The following HECTD4 variants were observed in gnomAD, a reference collection of about 807,000 sequenced individuals.
HECTD4 encodes HECT domain E3 ubiquitin protein ligase 4.
In HECTD4, 114 loss-of-function variants were observed where a neutral mutation model predicts 471.5. The ratio of observed to expected loss-of-function variants is 0.24; its 90% CI spans 0.21 to 0.28. The LOEUF is 0.28. HECTD4 is among the 10% of genes least tolerant of loss of function. HECTD4 has a pLI of 1.00. For missense variants in HECTD4, 3,866 were observed against 5,651.5 expected (o/e 0.68, Z 10.13); for synonymous variants, 2,012 against 2,256.0 (o/e 0.89, Z 3.07).
At chr12:112,332,141 T>G (rs571834425) in intron 1 of HECTD4, among the ~76,000 whole-genome samples, 1 of 151,860 alleles carries the variant, frequency 6.6e-6, no homozygotes, top group African/African-American at 2.4e-5. Flanking sequence ...CAAGCAGAAA[T>G]AGGAAGTTAC....
intron 66 of HECTD4, 101 bp from the exon 67 acceptor site, chr12:112,172,962 C>A: frequency 9.7e-7 from 1 of 1,028,806 alleles, no homozygotes; most frequent in South Asian, 1.4e-5. Flanking sequence ...TCCTGGAGCA[C>A]ATTCAGAAGA....
intron 62 of HECTD4, among the ~76,000 whole-genome samples, chr12:112,182,214 C>G (rs1213817060): frequency 6.6e-6 from 1 of 151,920 alleles, no homozygotes; most frequent in East Asian, 1.9e-4. Flanking sequence ...GCCTATAGTC[C>G]TAACACTTTG....
intron 48 of HECTD4, among the ~76,000 whole-genome samples, chr12:112,215,475 C>T (rs1253615514): frequency 6.6e-6 from 1 of 152,144 alleles, no homozygotes; most frequent in Admixed American, 6.6e-5. Context: ...AGGGCCAATC[C>T]TAATTCAACT....
At chr12:112,308,162 G>A (rs534713298) in intron 6 of HECTD4, among the ~76,000 whole-genome samples, 42 of 152,300 alleles carry the variant, frequency 2.8e-4, no homozygotes, top group African/African-American at 9.9e-4. Context: ...AGTGTGTTAT[G>A]TTCTAAGGAT....
intron 32 of HECTD4, among the ~76,000 whole-genome samples, 190 bp from the exon 33 acceptor site, chr12:112,240,217 A>C (rs1374161434): frequency 6.6e-6 from 1 of 152,214 alleles, no homozygotes; most frequent in Non-Finnish European, 1.5e-5. Flanking sequence ...TGTGCCTCCA[A>C]AACAGCGGTC....
chr12:112,184,222 C>A lies in HECTD4; in HGVS notation c.10744G>T (p.Ala3582Ser), dbSNP rs1323121733. 1.9e-6 allele frequency: 3 copies of A among 1,612,656 alleles called. No individual in the cohort carries two copies. The highest frequency in any genetic ancestry group is 2.5e-6 in the Non-Finnish European group (3 of 1,179,402). ...GCGAAGCCTTTGATGGGGCGGGCGGCGAGGGGCTGGTTGTCCAGGGAAGTG... is the reference window on the plus strand; with the variant it reads ...GCGAAGCCTTTGATGGGGCGGGCGGAGAGGGGCTGGTTGTCCAGGGAAGTG... ...TVTSLDNQPLAARPIKGFAVV... is the reference protein window; with the variant it reads ...TVTSLDNQPLSARPIKGFAVV... Residue 3582 changes from alanine (A) to serine (S), a missense_variant, in exon 61 of 76, where the codon GCC becomes TCC. By Grantham distance (99) the Ala-to-Ser change is moderately conservative (BLOSUM62 1). Coordinates refer to ENST00000682272, the MANE Select transcript of HECTD4 (RefSeq NM_001388303.1). This position sits in a 1 kb window ranked among gnomAD's most constrained non-coding sequence, Gnocchi z 9.1.
Position 112,208,095 on chromosome 12 carries a change from C to T in HECTD4, c.8005-95G>A. 5.1e-6 allele frequency: 7 copies of T among 1,384,654 alleles called. No homozygotes were observed. The African/African-American group carries it at 5.8e-5, about 11-fold the overall frequency. 85.8% of individuals were successfully genotyped at this position (1,384,654 alleles called of 1,614,324 possible). On this transcript the variant is annotated intron_variant, in intron 51 of 75. Transcript: ENST00000682272. Reference sequence around the variant, plus strand: ...ACAGCCCTCACCCTGAGGTCTTCACCCCACTTAAATGCCAGTAATAGAAAG... The same window carrying T: ...ACAGCCCTCACCCTGAGGTCTTCACTCCACTTAAATGCCAGTAATAGAAAG...
rs191842219 is a variant in HECTD4, at chr12:112,246,489, A to G, written c.4513+412T>C. 2.0e-5 allele frequency among the ~76,000 whole-genome samples: 3 copies of G among 151,692 alleles called. No individual in the cohort carries two copies. The East Asian group carries it at 5.9e-4, about 30-fold the overall frequency. ...TCTCTACCAAAAATACAAAAATTAG[A>G]CAGGCATGGTGGCATGCGCCTGTAA... is the stretch of plus-strand genomic sequence containing the variant. On this transcript the variant is annotated intron_variant, in intron 29 of 75. Transcript: ENST00000682272.
At chr12:112,265,100 C>T in intron 16 of HECTD4, 75 bp downstream of exon 16, 2 of 1,361,162 alleles carry the variant, frequency 1.5e-6, no homozygotes, top group Non-Finnish European at 2.0e-6. Flanking sequence ...TGTATACACA[C>T]ACCTGTCAAT....
rs963539888 is a variant in HECTD4 at position 112,173,976 on chromosome 12, T to G, written c.11595-1115A>C. On this transcript the variant is annotated intron_variant, in intron 66 of 75. Transcript: ENST00000682272. The surrounding 1 kb of genome is among the most constrained non-coding windows in gnomAD (Gnocchi z 4.3). ...ATGTTTTGGTAGCCATTTTCTTTCC[T>G]TTTCTTTTTTTTTTTTTTGAGTTGG... is the stretch of plus-strand genomic sequence containing the variant. Among the ~76,000 whole-genome samples the G allele has an allele frequency of 6.6e-6, 1 of 151,760 alleles. No homozygotes were observed. Among genetic ancestry groups the G allele is most frequent in the Non-Finnish European group, 1.5e-5 (1 of 67,952 alleles).
At chr12:112,281,884 A>G (rs569125389) in intron 8 of HECTD4, among the ~76,000 whole-genome samples, 1 of 152,292 alleles carries the variant, frequency 6.6e-6, no homozygotes, top group East Asian at 1.9e-4. Flanking sequence ...TGCAGTTCAT[A>G]GTTTGCTATA....
chr12:112,184,661 C>G lies in HECTD4; in HGVS notation c.10305G>C (p.Pro3435=). The change falls in exon 61 of 76, where the codon CCG becomes CCC. Residue 3435 remains proline (P), a synonymous_variant. Transcript: ENST00000682272. The surrounding 1 kb of genome is among the most constrained non-coding windows in gnomAD (Gnocchi z 9.1). ...GGVFKDEIYI[P]LQEEDTKKPK... is the part of the protein sequence containing the mutation. ...GCTTCTTGGTGTCTTCTTCCTGCAG[C>G]GGGATGTAGATCTCGTCTTTGAAGA... The G allele has an allele frequency of 6.2e-7, 1 of 1,613,796 alleles. No individual in the cohort carries two copies. Among genetic ancestry groups the G allele is most frequent in the Non-Finnish European group, 8.5e-7 (1 of 1,179,856 alleles).
intron 1 of HECTD4, among the ~76,000 whole-genome samples, chr12:112,333,951 G>C (rs2035889825): frequency 6.6e-6 from 1 of 152,172 alleles, no homozygotes; most frequent in African/African-American, 2.4e-5. Context: ...GCTCATGTCT[G>C]TAATCCCAGC....
intron 1 of HECTD4, among the ~76,000 whole-genome samples, chr12:112,335,004 T>C (rs1486964624): frequency 6.6e-6 from 1 of 152,138 alleles, no homozygotes; most frequent in Non-Finnish European, 1.5e-5. Context: ...CACTACTGCA[T>C]ATCTACCCAG....
intron 1 of HECTD4, among the ~76,000 whole-genome samples, chr12:112,355,385 C>T (rs1435375501): frequency 1.3e-5 from 2 of 151,674 alleles, no homozygotes; most frequent in African/African-American, 2.4e-5. Context: ...GGCTTGAACC[C>T]GGAAGGCGGA....
rs369680663 is a variant in HECTD4 at position 112,231,734 on chromosome 12, C to T, written c.5998-19G>A. On this transcript the variant is annotated intron_variant, in intron 38 of 75. Transcript: ENST00000682272. ...AGCCACCCTGGGGTGAGGTTGAAGACGCTGAGAAGATTCATTTCAGTCTTC... is the reference window on the plus strand; with the variant it reads ...AGCCACCCTGGGGTGAGGTTGAAGATGCTGAGAAGATTCATTTCAGTCTTC... The T allele has an allele frequency of 3.1e-5, 49 of 1,596,800 alleles. No homozygotes were observed. The East Asian group carries it at 3.6e-4, about 12-fold the overall frequency.
rs1436065084 is a variant in HECTD4 at position 112,167,352 on chromosome 12, T to C, written c.12499A>G (p.Ile4167Val). The C allele has an allele frequency of 6.2e-7, 1 of 1,613,610 alleles. No homozygotes were observed. The highest frequency in any genetic ancestry group is 8.5e-7 in the Non-Finnish European group (1 of 1,179,724). ...DPEQDLQEAD[I>V]LTYNYVKKFE... ...TTCTTGACGTAATTGTAGGTGAGGATATCCGCTTCCTGCAGGTCTTGCTCA... is the reference window on the plus strand; with the variant it reads ...TTCTTGACGTAATTGTAGGTGAGGACATCCGCTTCCTGCAGGTCTTGCTCA... The change falls in exon 72 of 76, where the codon ATC (isoleucine) becomes GTC (valine). Residue 4167 changes from isoleucine to valine, a missense_variant. Coordinates refer to ENST00000682272, the MANE Select transcript of HECTD4 (RefSeq NM_001388303.1).
At chr12:112,315,381 C>G (rs1443735029) in intron 2 of HECTD4, among the ~76,000 whole-genome samples, 2 of 152,140 alleles carry the variant, frequency 1.3e-5, no homozygotes, top group Non-Finnish European at 2.9e-5. Flanking sequence ...CCAAGTAGGC[C>G]TAGAGTCTTC....
Position 112,192,598 on chromosome 12 carries a change from G to C in HECTD4, c.9254C>G (p.Ser3085Cys). The change falls in exon 59 of 76, where the codon TCT becomes TGT. Residue 3085 changes from serine (S) to cysteine (C), a missense_variant. Physicochemically the swap from Ser to Cys is moderately radical, Grantham distance 112. Coordinates refer to ENST00000682272, the MANE Select transcript of HECTD4 (RefSeq NM_001388303.1). ...GACCCTGTCTGTGGAGAGGACCACA[G>C]AGGGGTACTGGTCAGCGGTGGGGGG... ...APPPTADQYP[S>C]VVLSTDRVHI... is the part of the protein sequence containing the mutation. 6.2e-7 allele frequency: 1 copy of C among 1,606,502 alleles called. No individual in the cohort carries two copies. Among genetic ancestry groups the C allele is most frequent in the Non-Finnish European group, 8.5e-7 (1 of 1,176,406 alleles).
Sources: allele counts gnomAD v4.1 joint callset (sites outside exome capture counted in the v4.1 genomes callset), GRCh38; gene constraint gnomAD v4.1.1; non-coding constraint Gnocchi (gnomAD v3.1); transcripts MANE v1.5; gene names NCBI Gene and HGNC (gene_info 2026-07-23, HGNC 2026-07-21).